SUPT3H: variants seen among roughly 807,000 people sequenced by gnomAD.
SUPT3H encodes transcription initiation protein SPT3 homolog.
SUPT3H carries 44 observed loss-of-function variants against 44.3 expected under a neutral mutation model. The ratio of observed to expected loss-of-function variants is 0.99; its 90% CI spans 0.78 to 1.28. SUPT3H has a LOEUF of 1.28. Among genes scored for constraint, SUPT3H ranks in the 50% most tolerant of loss-of-function variants. SUPT3H has a pLI of 0.00. For synonymous variants in SUPT3H, 124 were observed against 125.6 expected (o/e 0.99, Z 0.09); for missense variants, 380 against 387.1 (o/e 0.98, Z 0.15).
chr6:44,977,642 A>G (rs1225850232), intron 6 of SUPT3H, among the ~76,000 whole-genome samples: 1 of 152,168 alleles, frequency 6.6e-6, no homozygotes, highest in Non-Finnish European at 1.5e-5. Context: ...TCACCAAGGT[A>G]AAATATATTG....
intron 10 of SUPT3H, among the ~76,000 whole-genome samples, chr6:44,927,717 A>G (rs1344816586): frequency 6.6e-6 from 1 of 152,242 alleles, no homozygotes; most frequent in Non-Finnish European, 1.5e-5. Context: ...TCCAAAGAGT[A>G]AAAATGAATA....
chr6:44,820,593 T>C (rs747244529), intron 11 of SUPT3H, among the ~76,000 whole-genome samples: 4 of 152,210 alleles, frequency 2.6e-5, no homozygotes, highest in Non-Finnish European at 5.9e-5. Context: ...TAATACTGAC[T>C]CAACACGTAT....
At chr6:44,865,020 G>C (rs1053362252) in intron 10 of SUPT3H, among the ~76,000 whole-genome samples, 21 of 152,110 alleles carry the variant, frequency 1.4e-4, no homozygotes, top group African/African-American at 5.1e-4. Context: ...TGAATACTTT[G>C]CAGGTTAGAA....
intron 6 of SUPT3H, among the ~76,000 whole-genome samples, chr6:44,994,387 C>T (rs1192518339): frequency 3.3e-5 from 5 of 152,100 alleles, no homozygotes; most frequent in Admixed American, 6.6e-5. Flanking sequence ...TTGAACAGAG[C>T]GCCAAGATTC....
At chr6:45,328,463 G>C in intron 2 of SUPT3H, 1 of 1,475,134 alleles carries the variant, frequency 6.8e-7, no homozygotes, top group Non-Finnish European at 9.2e-7. Context: ...CAGAGTCAGT[G>C]AGTGCTCTCT....
At chr6:45,069,862 GAA>G (rs34679719) in intron 3 of SUPT3H, among the ~76,000 whole-genome samples, 2 of 149,926 alleles carry the variant, frequency 1.3e-5, no homozygotes, top group South Asian at 2.1e-4. Context: ...TGACACAAAG[GAA>G]AAAAAAAATA....
chr6:45,077,709 C>T (rs1487425069), intron 3 of SUPT3H, among the ~76,000 whole-genome samples: 1 of 148,772 alleles, frequency 6.7e-6, no homozygotes. Flanking sequence ...AGGCCAAGTG[C>T]ATTTCTACTT....
intron 3 of SUPT3H, among the ~76,000 whole-genome samples, chr6:45,043,157 A>ACACACACACG (rs1281460103): frequency 1.3e-5 from 2 of 151,508 alleles, no homozygotes; most frequent in Non-Finnish European, 2.9e-5. Context: ...ACACACACAC[A>ACACACACACG]CACACACACA....
At chr6:44,909,142 C>CATGT (rs1554162591) in intron 10 of SUPT3H, among the ~76,000 whole-genome samples, 2 of 146,958 alleles carry the variant, frequency 1.4e-5, no homozygotes, top group African/African-American at 5.0e-5. Context: ...TGTGTGTGTG[C>CATGT]GTGTGTGTGT....
intron 9 of SUPT3H, among the ~76,000 whole-genome samples, chr6:44,950,498 G>T (rs1359076516): frequency 6.6e-6 from 1 of 152,162 alleles, no homozygotes; most frequent in East Asian, 1.9e-4. Flanking sequence ...TGTAGTCCCA[G>T]CTACATGGAA....
chr6:45,350,688 C>T (rs78700141), intron 2 of SUPT3H, among the ~76,000 whole-genome samples: 4,482 of 152,152 alleles, frequency 0.029, 92 homozygotes, highest in Non-Finnish European at 0.047. Context: ...TATTACTATG[C>T]CTTTTAAAGG....
intron 10 of SUPT3H, among the ~76,000 whole-genome samples, chr6:44,920,517 G>T (rs966029300): frequency 6.8e-6 from 1 of 147,416 alleles, no homozygotes; most frequent in Non-Finnish European, 1.5e-5. Context: ...AGCTATTACT[G>T]CACTACTGCA....
At chr6:44,892,107 T>C (rs1763398826) in intron 10 of SUPT3H, among the ~76,000 whole-genome samples, 1 of 152,168 alleles carries the variant, frequency 6.6e-6, no homozygotes, top group South Asian at 2.1e-4. Flanking sequence ...GAAGAGAATG[T>C]CTAGAGTGAA....
chr6:45,029,788 A>G (rs545783401), intron 3 of SUPT3H, among the ~76,000 whole-genome samples: 1 of 152,190 alleles, frequency 6.6e-6, no homozygotes, highest in Non-Finnish European at 1.5e-5. Flanking sequence ...TTTAAGAGAC[A>G]GGGTCTTGCT....
At chr6:45,176,551 C>T (rs1453003882) in intron 2 of SUPT3H, among the ~76,000 whole-genome samples, 10 of 152,112 alleles carry the variant, frequency 6.6e-5, no homozygotes, top group African/African-American at 2.4e-4. Context: ...AGCCAGGAAG[C>T]TCGAACTGGG....
chr6:45,004,590 A>G (rs1311707497), intron 5 of SUPT3H, among the ~76,000 whole-genome samples: 2 of 151,984 alleles, frequency 1.3e-5, no homozygotes. Flanking sequence ...AATATCACAT[A>G]TCATTTTTGC....
In SUPT3H at chr6:44,828,763, T is replaced by C. The variant is rs1768090015; in HGVS notation, c.*1053A>G. ...GTTTCTCATTTCTGTTTTTATTAAT[T>C]CTTTAGAAAGAGTGTTTCAAGTATG... On this transcript the variant is annotated 3_prime_UTR_variant, in exon 11 of 11. Transcript: ENST00000371459. 1 of 152,568 alleles carries C rather than the reference T, an allele frequency of 6.6e-6. No individual in the cohort carries two copies. The highest frequency in any genetic ancestry group is 6.5e-5 in the Admixed American group (1 of 15,280). 9.5% of individuals were successfully genotyped at this position (152,568 alleles called of 1,614,324 possible).
intron 2 of SUPT3H, among the ~76,000 whole-genome samples, chr6:45,340,376 T>C (rs543865702): frequency 5.9e-5 from 9 of 152,156 alleles, no homozygotes; most frequent in Admixed American, 5.9e-4. Flanking sequence ...CAGGCTAGAG[T>C]GCACTGGCAT....
At chr6:45,191,737 C>T (rs1244934598) in intron 2 of SUPT3H, among the ~76,000 whole-genome samples, 5 of 152,014 alleles carry the variant, frequency 3.3e-5, no homozygotes, top group South Asian at 2.1e-4. Flanking sequence ...AAAAAGTTAG[C>T]TACATTCAAA....
Sources: allele counts gnomAD v4.1 joint callset (sites outside exome capture counted in the v4.1 genomes callset), GRCh38; gene constraint gnomAD v4.1.1; transcripts MANE v1.5; gene names NCBI Gene and HGNC (gene_info 2026-07-23, HGNC 2026-07-21).